Variants in SLC8A1 observed in about 807,000 individuals in gnomAD.
SLC8A1 encodes the protein solute carrier family 8 member A1, also known as sodium/calcium exchanger 1.
A neutral mutation model predicts 68.3 loss-of-function variants in SLC8A1; 18 were observed. That is an observed-to-expected ratio of 0.26 (90% CI 0.18 to 0.39). SLC8A1 has a LOEUF of 0.39. Ranked by LOEUF, SLC8A1 falls within the 10% of genes least tolerant of loss-of-function variation. SLC8A1 has a pLI of 1.00. For missense variants in SLC8A1, 985 were observed against 1,156.7 expected (o/e 0.85, Z 2.15); for synonymous variants, 475 against 415.5 (o/e 1.14, Z -1.74).
At chr2:40,265,477 C>G (rs1176785561) in intron 2 of SLC8A1, among the ~76,000 whole-genome samples, 1 of 152,048 alleles carries the variant, frequency 6.6e-6, no homozygotes, top group Non-Finnish European at 1.5e-5. Flanking sequence ...GAGCAAAGGT[C>G]AATGGAAAGG....
intron 2 of SLC8A1, among the ~76,000 whole-genome samples, chr2:40,281,409 T>C (rs1394692560): frequency 6.6e-6 from 1 of 152,132 alleles, no homozygotes; most frequent in Non-Finnish European, 1.5e-5. Context: ...GTGCCTGAGT[T>C]GAAAGGTGCT....
At chr2:40,455,038 G>A (rs1702919005), upstream of SLC8A1, among the ~76,000 whole-genome samples, 1 of 152,266 alleles carries the variant, frequency 6.6e-6, no homozygotes, top group Non-Finnish European at 1.5e-5. Context: ...GAGTCACCGG[G>A]TCTCCACTGT....
intron 1 of SLC8A1, among the ~76,000 whole-genome samples, chr2:40,486,479 T>C (rs1369688229): frequency 6.6e-6 from 1 of 152,228 alleles, no homozygotes; most frequent in East Asian, 1.9e-4. Flanking sequence ...AACACAATTC[T>C]GCCATTAGGC....
At chr2:40,143,862 G>A (rs2042009677) in intron 6 of SLC8A1, among the ~76,000 whole-genome samples, 1 of 152,150 alleles carries the variant, frequency 6.6e-6, no homozygotes, top group Non-Finnish European at 1.5e-5. Flanking sequence ...CAGAAAAAGA[G>A]ACTGCTGGAA....
intron 2 of SLC8A1, among the ~76,000 whole-genome samples, chr2:40,217,431 T>G (rs991135083): frequency 6.6e-6 from 1 of 151,916 alleles, no homozygotes; most frequent in Admixed American, 6.6e-5. Flanking sequence ...TGTTATTTCT[T>G]GACCTGAATC....
At chr2:40,335,920 G>A (rs1399170020) in intron 2 of SLC8A1, among the ~76,000 whole-genome samples, 2 of 152,210 alleles carry the variant, frequency 1.3e-5, no homozygotes, top group African/African-American at 4.8e-5. Context: ...GCACTACACT[G>A]CTAGTTGGTA....
chr2:40,369,422 A>C (rs1161017026), intron 2 of SLC8A1, among the ~76,000 whole-genome samples: 2 of 152,126 alleles, frequency 1.3e-5, no homozygotes, highest in African/African-American at 4.8e-5. Context: ...GTATCAGCAC[A>C]GAATCTCTCT....
At chr2:40,430,969 G>C (rs1053023809) in intron 1 of SLC8A1, among the ~76,000 whole-genome samples, 1 of 152,124 alleles carries the variant, frequency 6.6e-6, no homozygotes, top group African/African-American at 2.4e-5. Context: ...TTGTTCTTGA[G>C]GAGAAAAAAA....
intron 7 of SLC8A1, among the ~76,000 whole-genome samples, chr2:40,130,013 T>C (rs1421802437): frequency 6.6e-6 from 1 of 152,190 alleles, no homozygotes; most frequent in Non-Finnish European, 1.5e-5. Flanking sequence ...ATCATTGTTA[T>C]CATCCTGATT....
At chr2:40,306,453 G>GA (rs1559170392) in intron 2 of SLC8A1, among the ~76,000 whole-genome samples, 4 of 85,072 alleles carry the variant, frequency 4.7e-5, no homozygotes, top group African/African-American at 1.6e-4. Flanking sequence ...GAATGGTTGT[G>GA]GGGGGGGGCA....
At chr2:40,399,372 T>C (rs1687990677) in intron 2 of SLC8A1, among the ~76,000 whole-genome samples, 1 of 151,974 alleles carries the variant, frequency 6.6e-6, no homozygotes, top group African/African-American at 2.4e-5. Flanking sequence ...CAGAGAAGTT[T>C]GGGGAAAAAT....
chr2:40,416,879 T>C (rs1387415697), intron 2 of SLC8A1, among the ~76,000 whole-genome samples: 2 of 151,994 alleles, frequency 1.3e-5, no homozygotes, highest in East Asian at 2.0e-4. Flanking sequence ...ACCAACCTAA[T>C]AGAAGCCTCC....
chr2:40,449,438 C>T (rs182049122), intron 1 of SLC8A1, among the ~76,000 whole-genome samples: 112 of 152,244 alleles, frequency 7.4e-4, no homozygotes, highest in African/African-American at 2.6e-3. Context: ...TTAACAGATG[C>T]TGAAGTTCTC....
At chr2:40,409,011 ACAG>A (rs1339942015) in intron 2 of SLC8A1, among the ~76,000 whole-genome samples, 3 of 152,198 alleles carry the variant, frequency 2.0e-5, no homozygotes, top group East Asian at 3.8e-4. Flanking sequence ...AGCGTTTTAA[ACAG>A]TAGTCAATGA....
chr2:40,208,066 A>C (rs1171735658), intron 2 of SLC8A1, among the ~76,000 whole-genome samples: 5 of 152,140 alleles, frequency 3.3e-5, no homozygotes, highest in Non-Finnish European at 7.4e-5. Context: ...ACATACATGT[A>C]TATTCACCTC....
At chr2:40,200,980 T>A (rs2054258743) in intron 2 of SLC8A1, among the ~76,000 whole-genome samples, 1 of 151,796 alleles carries the variant, frequency 6.6e-6, no homozygotes, top group Non-Finnish European at 1.5e-5. Flanking sequence ...CACAACACTC[T>A]CTTCTCTTCT....
intron 2 of SLC8A1, among the ~76,000 whole-genome samples, chr2:40,194,520 A>G (rs1433443279): frequency 6.8e-6 from 1 of 147,722 alleles, no homozygotes; most frequent in Admixed American, 6.7e-5. Flanking sequence ...CGCGCAAAGA[A>G]AACGAGAGGG....
intron 2 of SLC8A1, among the ~76,000 whole-genome samples, chr2:40,410,270 C>T (rs1691699253): frequency 1.3e-5 from 2 of 151,962 alleles, no homozygotes; most frequent in African/African-American, 4.8e-5. Context: ...TCCTGACTTA[C>T]CAGAAATACC....
chr2:40,336,049 G>T (rs1016229459), intron 2 of SLC8A1, among the ~76,000 whole-genome samples: 1 of 152,204 alleles, frequency 6.6e-6, no homozygotes, highest in South Asian at 2.1e-4. Context: ...GGGTGGCATA[G>T]TTCCTTATGA....
Sources: allele counts gnomAD v4.1 joint callset (sites outside exome capture counted in the v4.1 genomes callset), GRCh38; gene constraint gnomAD v4.1.1; transcripts MANE v1.5; gene names NCBI Gene and HGNC (gene_info 2026-07-23, HGNC 2026-07-21).